The following ANO10 variants were observed in gnomAD, a reference collection of about 807,000 sequenced individuals.
ANO10 encodes the protein anoctamin-10.
A neutral mutation model predicts 74.7 loss-of-function variants in ANO10; 77 were observed. The ratio of observed to expected loss-of-function variants is 1.03; its 90% CI spans 0.86 to 1.25. ANO10 has a LOEUF of 1.25. Ranked by LOEUF, ANO10 falls within the 50% of genes most tolerant of loss-of-function variation. The probability of loss-of-function intolerance (pLI) is 0.00; values close to 1 mark genes in which losing one functional copy is unlikely to be tolerated. For missense variants in ANO10, 721 were observed against 778.1 expected (o/e 0.93, Z 0.87); for synonymous variants, 279 against 284.9 (o/e 0.98, Z 0.21).
intron 6 of ANO10, among the ~76,000 whole-genome samples, chr3:43,575,929 GT>G (rs1267115780): frequency 6.6e-6 from 1 of 152,168 alleles, no homozygotes; most frequent in Non-Finnish European, 1.5e-5. Flanking sequence ...GAGCCACTGC[GT>G]CTGGCCCCTA....
chr3:43,602,886 CA>C (rs2082399604), intron 2 of ANO10, among the ~76,000 whole-genome samples: 1 of 152,166 alleles, frequency 6.6e-6, no homozygotes, highest in Non-Finnish European at 1.5e-5. Flanking sequence ...TTCATGTCAT[CA>C]AATAACATGC....
intron 11 of ANO10, among the ~76,000 whole-genome samples, chr3:43,472,321 C>T (rs182254184): frequency 8.3e-4 from 126 of 152,080 alleles, no homozygotes; most frequent in African/African-American, 2.8e-3. Flanking sequence ...TGAATTAATA[C>T]AAAAACACAC....
At chr3:43,462,594 GT>G (rs1399865331) in intron 11 of ANO10, among the ~76,000 whole-genome samples, 4 of 152,182 alleles carry the variant, frequency 2.6e-5, no homozygotes, top group Non-Finnish European at 5.9e-5. Flanking sequence ...GCCTGACAAT[GT>G]GATAGAAAAG....
At chr3:43,583,824 C>A (rs959593207) in intron 4 of ANO10, among the ~76,000 whole-genome samples, 4 of 152,160 alleles carry the variant, frequency 2.6e-5, no homozygotes, top group African/African-American at 9.7e-5. Context: ...AAAACAGTAT[C>A]TTTCTTAAAG....
At position 43,656,618 on chromosome 3, in the gene ANO10, T is replaced by A. The variant is rs1218879705; in HGVS notation, c.-12+34899A>T. On this transcript the variant is annotated intron_variant, in intron 1 of 3. Coordinates refer to the ANO10 transcript ENST00000413397. The stretch of plus-strand genomic sequence containing the variant: ...GGTGAGAAATCGAGCACAGAGCCGG[T>A]GGGCTAGCACTGCTGGGGTACCCAG... Among the ~76,000 whole-genome samples the A allele has an allele frequency of 3.3e-5, 5 of 152,314 alleles. No individual in the cohort carries two copies. The South Asian group carries it at 8.3e-4, about 25-fold the overall frequency.
intron 11 of ANO10, among the ~76,000 whole-genome samples, chr3:43,489,462 A>C (rs2076633954): frequency 6.6e-6 from 1 of 152,094 alleles, no homozygotes; most frequent in Non-Finnish European, 1.5e-5. Flanking sequence ...GTTCCCATGT[A>C]CACGTTAAAT....
chr3:43,534,974 TTTTC>T (rs2078641793), intron 11 of ANO10, among the ~76,000 whole-genome samples: 1 of 150,824 alleles, frequency 6.6e-6, no homozygotes, highest in Non-Finnish European at 1.5e-5. Context: ...ATGTAGATTT[TTTTC>T]TTTTTTTTTT....
intron 11 of ANO10, among the ~76,000 whole-genome samples, chr3:43,469,282 G>A (rs193120279): frequency 8.3e-4 from 126 of 151,512 alleles, no homozygotes; most frequent in African/African-American, 2.8e-3. Flanking sequence ...TCCTGACCTC[G>A]TGATCCACCC....
intron 11 of ANO10, among the ~76,000 whole-genome samples, chr3:43,457,795 G>A (rs532720793): frequency 1.3e-5 from 2 of 152,296 alleles, no homozygotes; most frequent in Non-Finnish European, 2.9e-5. Context: ...ATCAGTACCA[G>A]GTGGAAATCA....
chr3:43,631,657 C>T (rs2083548509), intron 1 of ANO10, among the ~76,000 whole-genome samples: 1 of 151,516 alleles, frequency 6.6e-6, no homozygotes, highest in African/African-American at 2.4e-5. Context: ...CTCTGGGTCC[C>T]CTTCAGCTTG....
intron 12 of ANO10, among the ~76,000 whole-genome samples, chr3:43,403,257 A>G (rs2092515776): frequency 6.6e-6 from 1 of 152,260 alleles, no homozygotes; most frequent in African/African-American, 2.4e-5. Context: ...GATATTTTAA[A>G]TATTTGAGAA....
chr3:43,684,068 A>G (rs2084240675), intron 1 of ANO10, among the ~76,000 whole-genome samples: 1 of 152,240 alleles, frequency 6.6e-6, no homozygotes, highest in African/African-American at 2.4e-5. Flanking sequence ...ACAAAAGCCA[A>G]AATTGACAAA....
At chr3:43,668,989 G>A (rs2084024217) in intron 1 of ANO10, among the ~76,000 whole-genome samples, 1 of 152,078 alleles carries the variant, frequency 6.6e-6, no homozygotes, top group South Asian at 2.1e-4. Flanking sequence ...TGTTGCCCAA[G>A]AGTTTGTAAT....
intron 11 of ANO10, among the ~76,000 whole-genome samples, chr3:43,470,458 A>G (rs1241650218): frequency 6.6e-6 from 1 of 151,944 alleles, no homozygotes; most frequent in Non-Finnish European, 1.5e-5. Flanking sequence ...GGTTCATGCT[A>G]TTCTCCTGCC....
At chr3:43,519,265 C>A (rs1180217106) in intron 11 of ANO10, among the ~76,000 whole-genome samples, 1 of 152,150 alleles carries the variant, frequency 6.6e-6, no homozygotes, top group Non-Finnish European at 1.5e-5. Context: ...TTTATAACAT[C>A]CCCTGTATTC....
In ANO10 at chr3:43,463,551, C is replaced by T. The variant is rs145832979; in HGVS notation, c.1798-30824G>A. On this transcript the variant is annotated intron_variant, in intron 11 of 12. Coordinates refer to ENST00000292246, the MANE Select transcript of ANO10 (RefSeq NM_018075.5). Reference sequence around the variant, plus strand: ...GGAGCTTTAAGATTTTACTGCCCTGCTGGATTTTGGACTTGCATGGGGCCT... The same window carrying T: ...GGAGCTTTAAGATTTTACTGCCCTGTTGGATTTTGGACTTGCATGGGGCCT... Among the ~76,000 whole-genome samples, 109 of 152,314 alleles carry T rather than the reference C, an allele frequency of 7.2e-4. 1 individual carries two copies. The highest frequency in any genetic ancestry group is 2.2e-3 in the African/African-American group (91 of 41,568).
At chr3:43,400,458 A>G (rs2092460640) in intron 12 of ANO10, among the ~76,000 whole-genome samples, 1 of 152,000 alleles carries the variant, frequency 6.6e-6, no homozygotes, top group Non-Finnish European at 1.5e-5. Context: ...TCATTCCCCA[A>G]CTGTGAAATA....
intron 1 of ANO10, chr3:43,690,964 T>C (rs1489849731): frequency 1.7e-5 from 26 of 1,558,434 alleles, no homozygotes; most frequent in Non-Finnish European, 2.2e-5. Context: ...GGCTTCGAGA[T>C]AAGTCCCGGC....
intron 1 of ANO10, among the ~76,000 whole-genome samples, chr3:43,647,226 GATTT>G (rs1219575719): frequency 3.3e-5 from 5 of 149,476 alleles, no homozygotes; most frequent in Non-Finnish European, 5.9e-5. Context: ...ATAGATAAGA[GATTT>G]ATTATGGGAA....
Sources: gnomAD v4.1 joint callset for allele counts (sites outside exome capture counted in the v4.1 genomes callset) on GRCh38, gnomAD v4.1.1 for gene constraint, MANE v1.5 for transcripts, NCBI Gene and HGNC (gene_info 2026-07-23, HGNC 2026-07-21) for gene names.